The following EHBP1 variants were observed in gnomAD, a reference collection of about 807,000 sequenced individuals.
The protein encoded by EHBP1 is EH domain binding protein 1, also known as EH domain-binding protein 1.
In EHBP1, 55 loss-of-function variants were observed where a neutral mutation model predicts 144.0. That is an observed-to-expected ratio of 0.38 (90% CI 0.31 to 0.48). The LOEUF (loss-of-function observed/expected upper bound fraction) is 0.48, where lower values mean the gene tolerates loss of function less well. EHBP1 is among the 20% of genes least tolerant of loss of function. The probability of loss-of-function intolerance (pLI) is 0.98; values close to 1 mark genes in which losing one functional copy is unlikely to be tolerated. For synonymous variants in EHBP1, 469 were observed against 472.7 expected (o/e 0.99, Z 0.10); for missense variants, 1,200 against 1,364.2 (o/e 0.88, Z 1.90).
In EHBP1 at chr2:62,948,347, G is replaced by T; in HGVS notation, c.1501G>T (p.Val501Phe). The change falls in exon 13 of 23, where the codon GTT (valine) becomes TTT (phenylalanine). Residue 501 changes from valine to phenylalanine, a missense_variant. This residue lies in a region of EHBP1 where 94 missense variants were observed against 143.0 expected (regional missense o/e 0.66). Coordinates refer to ENST00000431489, the MANE Select transcript of EHBP1 (RefSeq NM_001142616.3). ...ATTAGCAATTCCTGATAAACTGACT[G>T]TTATGACTTATCTCTATCAAATAAG... ...VLLAIPDKLT[V>F]MTYLYQIRAH... 2 of 1,613,332 alleles carry T rather than the reference G, an allele frequency of 1.2e-6. No individual in the cohort carries two copies. The highest frequency in any genetic ancestry group is 1.7e-6 in the Non-Finnish European group (2 of 1,179,788).
chr2:62,915,125 G>A (rs963310808), intron 10 of EHBP1, among the ~76,000 whole-genome samples: 2 of 151,726 alleles, frequency 1.3e-5, no homozygotes, highest in Non-Finnish European at 2.9e-5. Context: ...CTATGTATAC[G>A]TATGGATCTT....
intron 5 of EHBP1, 33 bp downstream of exon 5, chr2:62,771,425 A>G (rs2041653794): frequency 6.5e-7 from 1 of 1,534,994 alleles, no homozygotes; most frequent in South Asian, 1.2e-5. Flanking sequence ...CACCTTTCAC[A>G]TTTTCAACTT....
intron 19 of EHBP1, among the ~76,000 whole-genome samples, chr2:63,030,079 A>G (rs2061168685): frequency 1.3e-5 from 2 of 152,200 alleles, no homozygotes; most frequent in African/African-American, 4.8e-5. Flanking sequence ...TATTTGCATT[A>G]TATTCAGAAT....
intron 5 of EHBP1, among the ~76,000 whole-genome samples, chr2:62,810,697 G>C (rs746865456): frequency 2.6e-5 from 4 of 152,184 alleles, no homozygotes; most frequent in Non-Finnish European, 5.9e-5. Flanking sequence ...CCAGGCCGTG[G>C]AAGATGTAAT....
intron 5 of EHBP1, among the ~76,000 whole-genome samples, chr2:62,776,501 G>T (rs557862272): frequency 6.6e-6 from 1 of 152,246 alleles, no homozygotes; most frequent in East Asian, 1.9e-4. Flanking sequence ...AAGAAAACTA[G>T]ATTTCTAAAT....
At chr2:62,871,045 A>G (rs540026974) in intron 9 of EHBP1, among the ~76,000 whole-genome samples, 1 of 152,264 alleles carries the variant, frequency 6.6e-6, no homozygotes, top group South Asian at 2.1e-4. Flanking sequence ...AACACTTGGT[A>G]AAGTTATTGT....
chr2:62,953,494 A>G (rs527526400), intron 13 of EHBP1, among the ~76,000 whole-genome samples: 1 of 151,876 alleles, frequency 6.6e-6, no homozygotes, highest in African/African-American at 2.4e-5. Flanking sequence ...GGCTGCAGTG[A>G]GCTGTGATCA....
chr2:62,782,675 A>G (rs1447152990), intron 5 of EHBP1, among the ~76,000 whole-genome samples: 4 of 152,172 alleles, frequency 2.6e-5, no homozygotes, highest in Non-Finnish European at 4.4e-5. Context: ...CTGAGAACTC[A>G]TAAGAACAGT....
intron 10 of EHBP1, among the ~76,000 whole-genome samples, chr2:62,875,788 C>T (rs1160935130): frequency 6.6e-6 from 1 of 152,074 alleles, no homozygotes; most frequent in Non-Finnish European, 1.5e-5. Flanking sequence ...ATGAAAGAAC[C>T]AAAATTATCT....
Position 62,949,115 on chromosome 2 carries a change from G to C in EHBP1, c.2269G>C (p.Asp757His), listed in dbSNP as rs758434906. 32 of 1,583,570 alleles carry C rather than the reference G, an allele frequency of 2.0e-5. No individual in the cohort carries two copies. The highest frequency in any genetic ancestry group is 2.6e-5 in the Non-Finnish European group (31 of 1,171,492). The change falls in exon 13 of 23, where the codon GAT (aspartate) becomes CAT (histidine). Residue 757 changes from aspartate (D) to histidine (H), a missense_variant. Asp to His is a moderately conservative substitution (Grantham distance 81). Transcript: ENST00000431489. Reference protein sequence around the residue: ...LRQTESDPDADRTTLNHADHS... With the variant: ...LRQTESDPDAHRTTLNHADHS... Reference sequence around the variant, plus strand: ...GCAGACGGAGTCTGATCCAGATGCTGATAGAACCACTTTAAATCATGCAGA... The same window carrying C: ...GCAGACGGAGTCTGATCCAGATGCTCATAGAACCACTTTAAATCATGCAGA...
chr2:62,777,169 C>G (rs2042106641), intron 5 of EHBP1, among the ~76,000 whole-genome samples: 1 of 152,008 alleles, frequency 6.6e-6, no homozygotes, highest in Non-Finnish European at 1.5e-5. Context: ...ACGGAGTCTC[C>G]CTTTGTTGAC....
At chr2:62,765,170 G>A (rs2041078468) in intron 4 of EHBP1, among the ~76,000 whole-genome samples, 1 of 152,054 alleles carries the variant, frequency 6.6e-6, no homozygotes, top group Non-Finnish European at 1.5e-5. Flanking sequence ...TGTCTGCTCA[G>A]TAATATGGTT....
chr2:62,910,945 A>G (rs983183913), intron 10 of EHBP1, among the ~76,000 whole-genome samples: 2 of 152,178 alleles, frequency 1.3e-5, no homozygotes, highest in Admixed American at 1.3e-4. Flanking sequence ...ACTCAGAAAG[A>G]ATGTGTCATT....
chr2:62,700,484 C>T (rs916126173), intron 1 of EHBP1, among the ~76,000 whole-genome samples: 5 of 152,084 alleles, frequency 3.3e-5, no homozygotes, highest in African/African-American at 1.2e-4. Context: ...TATGCTGGCT[C>T]CTCTTAGAGT....
rs1040112482 is a variant in EHBP1 at position 62,993,733 on chromosome 2, G to GTA, written c.2872+76_2872+77dup. ...AACTATATATAGATATCTATATATA[G>GTA]TATATATATATAGTATATATATATA... On this transcript the variant is annotated intron_variant, in intron 17 of 22. Coordinates refer to ENST00000431489, the MANE Select transcript of EHBP1 (RefSeq NM_001142616.3). 8.1e-4 allele frequency: 600 copies of GTA among 739,414 alleles called. 1 individual carries two copies. Among genetic ancestry groups the GTA allele is most frequent in the East Asian group, 2.9e-3 (73 of 25,068 alleles). 45.8% of individuals were successfully genotyped at this position (739,414 alleles called of 1,614,324 possible). A position where few individuals can be genotyped will look rare whatever the true frequency, so the allele number is the denominator to read the frequency against.
intron 15 of EHBP1, among the ~76,000 whole-genome samples, chr2:62,980,031 C>T (rs1472817324): frequency 6.6e-6 from 1 of 152,152 alleles, no homozygotes; most frequent in Non-Finnish European, 1.5e-5. Flanking sequence ...TACTTATCTA[C>T]TAAAACATGC....
At chr2:62,846,644 A>T (rs992050013) in intron 7 of EHBP1, among the ~76,000 whole-genome samples, 1 of 152,198 alleles carries the variant, frequency 6.6e-6, no homozygotes, top group African/African-American at 2.4e-5. Context: ...AACTCACAGG[A>T]TATAAGATCA....
At chr2:63,026,545 A>G (rs983403236) in intron 19 of EHBP1, among the ~76,000 whole-genome samples, 1 of 152,206 alleles carries the variant, frequency 6.6e-6, no homozygotes, top group African/African-American at 2.4e-5. Context: ...GGGAGAATAA[A>G]TAACTTACAC....
intron 4 of EHBP1, among the ~76,000 whole-genome samples, chr2:62,767,165 A>T (rs964200239): frequency 2.6e-5 from 4 of 152,104 alleles, no homozygotes; most frequent in Admixed American, 6.5e-5. Flanking sequence ...CACTGAAGAA[A>T]ACGTTGCCGC....
Sources: allele counts gnomAD v4.1 joint callset (sites outside exome capture counted in the v4.1 genomes callset), GRCh38; gene constraint gnomAD v4.1.1; regional missense constraint gnomAD v4.1.1; transcripts MANE v1.5; gene names NCBI Gene and HGNC (gene_info 2026-07-23, HGNC 2026-07-21).